JAKMIP1: variants seen among roughly 807,000 people sequenced by gnomAD.
JAKMIP1 encodes the protein janus kinase and microtubule-interacting protein 1.
In JAKMIP1, 33 loss-of-function variants were observed where a neutral mutation model predicts 113.0. The observed-to-expected ratio is 0.29, with a 90% CI of 0.22 to 0.39. The LOEUF is 0.39. JAKMIP1 is among the 10% of genes least tolerant of loss of function. JAKMIP1 has a pLI of 1.00. For synonymous variants in JAKMIP1, 480 were observed against 459.9 expected (o/e 1.04, Z -0.56); for missense variants, 813 against 1,080.5 (o/e 0.75, Z 3.47).
chr4:6,197,015 T>C lies in JAKMIP1; in HGVS notation c.-148+3238A>G, dbSNP rs1009961732. Among the ~76,000 whole-genome samples the C allele has an allele frequency of 1.3e-5, 2 of 152,182 alleles. No individual in the cohort carries two copies. The highest frequency in any genetic ancestry group is 4.8e-5 in the African/African-American group (2 of 41,432). On this transcript the variant is annotated intron_variant, in intron 1 of 20. Transcript: ENST00000409021. The surrounding 1 kb of genome is among the most constrained non-coding windows in gnomAD (Gnocchi z 6.5). ...GGAGCCCCACTTCTGAGTCCCCCAG[T>C]GTCCTGAGACTTGGCTCCCTCTGCG...
chr4:6,198,900 G>C (rs932325246), intron 1 of JAKMIP1, among the ~76,000 whole-genome samples: 6 of 152,260 alleles, frequency 3.9e-5, no homozygotes, highest in Admixed American at 6.5e-5. Context: ...TCTGACTTAG[G>C]GGGGATGGCC....
At position 6,108,539 on chromosome 4, in the gene JAKMIP1, C is replaced by T. The variant is rs1184912751; in HGVS notation, c.130-2572G>A. On this transcript the variant is annotated intron_variant, in intron 2 of 20. Transcript: ENST00000409021. This position sits in a 1 kb window ranked among gnomAD's most constrained non-coding sequence, Gnocchi z 5.6. ...ACTCAGAGAGTGAGTCAGATTCACC[C>T]CTTTCCATCCTCATCCTCATCCAAT... is the stretch of plus-strand genomic sequence containing the variant. Among the ~76,000 whole-genome samples the T allele has an allele frequency of 2.0e-5, 3 of 152,142 alleles. No homozygotes were observed. The highest frequency in any genetic ancestry group is 2.1e-4 in the South Asian group (1 of 4,814).
At chr4:6,026,652 C>T (rs1015846591) in intron 20 of JAKMIP1, among the ~76,000 whole-genome samples, 1 of 151,956 alleles carries the variant, frequency 6.6e-6, no homozygotes, top group African/African-American at 2.4e-5. Context: ...TGGTCAGCGG[C>T]TCCCACCAAG....
At chr4:6,085,241 C>T (rs1301334640) in intron 4 of JAKMIP1, among the ~76,000 whole-genome samples, 179 bp downstream of exon 4, 1 of 152,154 alleles carries the variant, frequency 6.6e-6, no homozygotes, top group Non-Finnish European at 1.5e-5. Context: ...AAGGCCGCCA[C>T]GCACCGGCAC....
chr4:6,054,199 C>G (rs2108771914), intron 12 of JAKMIP1, 51 bp from the exon 13 acceptor site: 3 of 1,585,704 alleles, frequency 1.9e-6, no homozygotes, highest in Non-Finnish European at 1.7e-6. Context: ...GCACTGGGGT[C>G]CCCTGGTCAC....
At chr4:6,070,119 C>T in intron 8 of JAKMIP1, 1 of 398,888 alleles carries the variant, frequency 2.5e-6, no homozygotes. Context: ...GGCACAGAGA[C>T]ACAGGAAGAA....
At chr4:6,159,786 G>A (rs1028422737) in intron 1 of JAKMIP1, among the ~76,000 whole-genome samples, 5 of 152,156 alleles carry the variant, frequency 3.3e-5, no homozygotes, top group Non-Finnish European at 5.9e-5. Flanking sequence ...GACTGCTTTC[G>A]CTAATAGCTT....
At chr4:6,125,282 G>C (rs1463919508) in intron 1 of JAKMIP1, among the ~76,000 whole-genome samples, 1 of 151,968 alleles carries the variant, frequency 6.6e-6, no homozygotes, top group Non-Finnish European at 1.5e-5. Context: ...ACCCCCACCC[G>C]GGCTGGCTGA....
chr4:6,102,431 T>C (rs895461842), intron 3 of JAKMIP1, among the ~76,000 whole-genome samples: 1 of 152,128 alleles, frequency 6.6e-6, no homozygotes, highest in African/African-American at 2.4e-5. Context: ...AAGAGAAATA[T>C]GAGCTGCCTG....
chr4:6,121,610 G>A (rs1016915703), intron 1 of JAKMIP1, among the ~76,000 whole-genome samples: 3 of 152,222 alleles, frequency 2.0e-5, no homozygotes, highest in African/African-American at 7.2e-5. Flanking sequence ...GACCTAGCAG[G>A]GAGCACACAG....
intron 19 of JAKMIP1, among the ~76,000 whole-genome samples, chr4:6,029,988 C>T (rs951858938): frequency 6.6e-6 from 1 of 152,116 alleles, no homozygotes; most frequent in African/African-American, 2.4e-5. Flanking sequence ...GGCCTTGGTC[C>T]CCCGGCTCAA....
Position 6,050,801 on chromosome 4 carries a change from G to A in JAKMIP1, c.1807-122C>T, listed in dbSNP as rs944863778. On this transcript the variant is annotated intron_variant, in intron 13 of 20. Coordinates refer to ENST00000409021, the MANE Select transcript of JAKMIP1 (RefSeq NM_001099433.2). The surrounding 1 kb of genome is among the most constrained non-coding windows in gnomAD (Gnocchi z 7.4). ...GGGCACAGACGTTACTAAAAAGCAC[G>A]AGTTCGGACTAGAAGCAGCCTCGTC... 3 of 739,888 alleles carry A rather than the reference G, an allele frequency of 4.1e-6. No homozygotes were observed. Among genetic ancestry groups the A allele is most frequent in the Non-Finnish European group, 6.8e-6 (3 of 439,012 alleles). 45.8% of individuals were successfully genotyped at this position (739,888 alleles called of 1,614,324 possible).
Position 6,050,897 on chromosome 4 carries a change from T to C in JAKMIP1, c.1807-218A>G, listed in dbSNP as rs559748508. Among the ~76,000 whole-genome samples the C allele has an allele frequency of 2.6e-5, 4 of 152,316 alleles. No homozygotes were observed. In the South Asian group the frequency reaches 6.2e-4, roughly 24 times the overall value. ...TGGAAATGTGTTTACTTCTTCCCTATTCATCTAGGGAGAAATGGTTAACAG... is the reference window on the plus strand; with the variant it reads ...TGGAAATGTGTTTACTTCTTCCCTACTCATCTAGGGAGAAATGGTTAACAG... On this transcript the variant is annotated intron_variant, in intron 13 of 20. Transcript: ENST00000409021. The surrounding 1 kb of genome is among the most constrained non-coding windows in gnomAD (Gnocchi z 7.4).
chr4:6,139,550 A>G lies in JAKMIP1; in HGVS notation c.-147-26553T>C, dbSNP rs1164810138. 6.6e-6 allele frequency among the ~76,000 whole-genome samples: 1 copy of G among 151,962 alleles called. No individual in the cohort carries two copies. The highest frequency in any genetic ancestry group is 1.5e-5 in the Non-Finnish European group (1 of 68,010). ...TGGGAGGCTGAGGCAGGCGGATCAC[A>G]AAGTCAGGAGTTCGAGACCAACCTG... On this transcript the variant is annotated intron_variant, in intron 1 of 20. Coordinates refer to ENST00000409021, the MANE Select transcript of JAKMIP1 (RefSeq NM_001099433.2). This position sits in a 1 kb window ranked among gnomAD's most constrained non-coding sequence, Gnocchi z 5.2.
rs374293637 is a variant in JAKMIP1, at chr4:6,081,653, T to A, written c.1057A>T (p.Met353Leu). ...NEDLLQSIQR[M>L]EEKIKNLTRE... Reference sequence around the variant, plus strand: ...GTGAGGTTCTTGATTTTCTCCTCCATCCTCTGGATACTCTGCAACAGATCC... The same window carrying A: ...GTGAGGTTCTTGATTTTCTCCTCCAACCTCTGGATACTCTGCAACAGATCC... The change falls in exon 6 of 21, where the codon ATG becomes TTG. Residue 353 changes from methionine (M) to leucine (L), a missense_variant. Transcript: ENST00000409021. The surrounding 1 kb of genome is among the most constrained non-coding windows in gnomAD (Gnocchi z 4.6). The A allele has an allele frequency of 6.2e-6, 10 of 1,614,082 alleles. No homozygotes were observed. The highest frequency in any genetic ancestry group is 7.6e-6 in the Non-Finnish European group (9 of 1,180,046).
In JAKMIP1 at chr4:6,059,370, T is replaced by C. The variant is rs1716941302; in HGVS notation, c.1644+1054A>G. Among the ~76,000 whole-genome samples, 1 of 152,170 alleles carries C rather than the reference T, an allele frequency of 6.6e-6. No homozygotes were observed. Among genetic ancestry groups the C allele is most frequent in the Non-Finnish European group, 1.5e-5 (1 of 68,036 alleles). The stretch of plus-strand genomic sequence containing the variant: ...TTGCAGCTTTGCAGCTTTGCAGTGC[T>C]CTTCTGGAGCTGCTTCTGTTAAGCC... On this transcript the variant is annotated intron_variant, in intron 11 of 20. Coordinates refer to ENST00000409021, the MANE Select transcript of JAKMIP1 (RefSeq NM_001099433.2). This position sits in a 1 kb window ranked among gnomAD's most constrained non-coding sequence, Gnocchi z 4.8.
intron 2 of JAKMIP1, among the ~76,000 whole-genome samples, chr4:6,109,340 A>C (rs772366074): frequency 5.1e-4 from 77 of 151,760 alleles, no homozygotes; most frequent in Admixed American, 4.0e-3. Flanking sequence ...TCACTGTGTT[A>C]GCCAGGATGG....
Position 6,181,167 on chromosome 4 carries a change from C to A in JAKMIP1, c.-148+19086G>T, listed in dbSNP as rs548458783. The stretch of plus-strand genomic sequence containing the variant: ...TGATATGACTAGATGCTGAACAGGG[C>A]GCTCCTTGACAGACACCTACCAAAC... On this transcript the variant is annotated intron_variant, in intron 1 of 20. Coordinates refer to ENST00000409021, the MANE Select transcript of JAKMIP1 (RefSeq NM_001099433.2). The surrounding 1 kb of genome is among the most constrained non-coding windows in gnomAD (Gnocchi z 5.4). Among the ~76,000 whole-genome samples the A allele has an allele frequency of 3.3e-5, 5 of 152,130 alleles. No individual in the cohort carries two copies. Among genetic ancestry groups the A allele is most frequent in the African/African-American group, 1.2e-4 (5 of 41,396 alleles).
At chr4:6,098,658 G>GGAAA (rs1469634351) in intron 3 of JAKMIP1, among the ~76,000 whole-genome samples, 1 of 122,248 alleles carries the variant, frequency 8.2e-6, no homozygotes, top group Non-Finnish European at 1.6e-5. Flanking sequence ...GGAAAGGAAA[G>GGAAA]GAAGAAAGAG....
Sources: allele counts gnomAD v4.1 joint callset (sites outside exome capture counted in the v4.1 genomes callset), GRCh38; gene constraint gnomAD v4.1.1; non-coding constraint Gnocchi (gnomAD v3.1); transcripts MANE v1.5; gene names NCBI Gene and HGNC (gene_info 2026-07-23, HGNC 2026-07-21).